FOXO1: variants seen among roughly 807,000 people sequenced by gnomAD.
FOXO1 encodes the protein forkhead box O1.
A neutral mutation model predicts 44.1 loss-of-function variants in FOXO1; 6 were observed. The observed-to-expected ratio is 0.14, with a 90% CI of 0.07 to 0.27. FOXO1 has a LOEUF of 0.27. Ranked by LOEUF, FOXO1 falls within the 10% of genes least tolerant of loss-of-function variation. The pLI, the probability that FOXO1 is intolerant of heterozygous loss-of-function variation, is 1.00. For missense variants in FOXO1, 737 were observed against 888.8 expected, an observed-to-expected ratio of 0.83 and a Z score of 2.17; for synonymous variants, 380 against 362.7, an observed-to-expected ratio of 1.05 and a Z score of -0.54.
At chr13:40,625,858 G>C (rs1198881299) in intron 1 of FOXO1, among the ~76,000 whole-genome samples, 1 of 152,186 alleles carries the variant, frequency 6.6e-6, no homozygotes, top group Non-Finnish European at 1.5e-5. Flanking sequence ...ATCCAAGGCA[G>C]TATAGTTTAT....
intron 1 of FOXO1, among the ~76,000 whole-genome samples, chr13:40,612,779 T>A (rs889293198): frequency 2.0e-5 from 3 of 152,216 alleles, no homozygotes; most frequent in Non-Finnish European, 4.4e-5. Context: ...TTAGTTATTG[T>A]TGTTAATCTC....
intron 1 of FOXO1, among the ~76,000 whole-genome samples, chr13:40,656,269 C>G (rs1877856647): frequency 6.6e-6 from 1 of 152,170 alleles, no homozygotes; most frequent in African/African-American, 2.4e-5. Flanking sequence ...TTAGCTAAGG[C>G]AATATTAGAA....
chr13:40,580,465 G>C (rs1395091748), intron 1 of FOXO1, among the ~76,000 whole-genome samples: 1 of 152,164 alleles, frequency 6.6e-6, no homozygotes, highest in African/African-American at 2.4e-5. Flanking sequence ...TAGCAAATGT[G>C]AGACCTTGGC....
chr13:40,661,460 C>A (rs938418501), intron 1 of FOXO1, among the ~76,000 whole-genome samples: 2 of 152,072 alleles, frequency 1.3e-5, no homozygotes, highest in African/African-American at 4.8e-5. Flanking sequence ...CCACACCCGG[C>A]TAATTTTTTG....
chr13:40,575,013 G>A (rs1179948999), intron 1 of FOXO1, among the ~76,000 whole-genome samples: 1 of 152,106 alleles, frequency 6.6e-6, no homozygotes, highest in African/African-American at 2.4e-5. Context: ...TGAAGTCTCT[G>A]ACAGAAATAT....
chr13:40,659,650 G>C (rs1265087887), intron 1 of FOXO1, among the ~76,000 whole-genome samples: 1 of 151,582 alleles, frequency 6.6e-6, no homozygotes. Context: ...TTCCTTTTTA[G>C]TTTTTATCAA....
At chr13:40,648,035 A>G (rs763567531) in intron 1 of FOXO1, among the ~76,000 whole-genome samples, 1 of 152,202 alleles carries the variant, frequency 6.6e-6, no homozygotes, top group Admixed American at 6.5e-5. Context: ...AGTTTCAATC[A>G]TCTGACTCTT....
intron 1 of FOXO1, chr13:40,620,473 G>A (rs1876572909): frequency 5.1e-6 from 3 of 591,836 alleles, no homozygotes; most frequent in South Asian, 3.5e-5. Flanking sequence ...TCAATCTTAA[G>A]GCAGATTATG....
At chr13:40,632,341 C>T (rs547387214) in intron 1 of FOXO1, among the ~76,000 whole-genome samples, 29 of 152,260 alleles carry the variant, frequency 1.9e-4, no homozygotes, top group African/African-American at 6.0e-4. Flanking sequence ...GGGATTAGTA[C>T]CTAGAATATA....
intron 1 of FOXO1, among the ~76,000 whole-genome samples, chr13:40,640,758 T>TTTGTTGTTGTTGTTG (rs142761112): frequency 5.7e-5 from 8 of 140,424 alleles, no homozygotes; most frequent in African/African-American, 8.2e-5. Context: ...TGTTATTTCT[T>TTTGTTGTTGTTGTTG]TTGTTGTTGT....
intron 1 of FOXO1, among the ~76,000 whole-genome samples, chr13:40,598,362 C>T (rs1196000784): frequency 6.6e-6 from 1 of 152,040 alleles, no homozygotes; most frequent in Non-Finnish European, 1.5e-5. Context: ...AAAGAAGGGG[C>T]ATTCACACAA....
chr13:40,636,407 T>C (rs1309991636), intron 1 of FOXO1, among the ~76,000 whole-genome samples: 2 of 152,040 alleles, frequency 1.3e-5, no homozygotes, highest in African/African-American at 4.8e-5. Flanking sequence ...CAGTGGCTCA[T>C]GCCTGTAATC....
At chr13:40,606,664 G>A (rs1876011859) in intron 1 of FOXO1, among the ~76,000 whole-genome samples, 1 of 152,138 alleles carries the variant, frequency 6.6e-6, no homozygotes. Context: ...CTATGGTGGG[G>A]CTGGGGGAGA....
chr13:40,617,883 A>T (rs1415113166), intron 1 of FOXO1, among the ~76,000 whole-genome samples: 1 of 152,214 alleles, frequency 6.6e-6, no homozygotes, highest in Non-Finnish European at 1.5e-5. Flanking sequence ...AATTCTCTGA[A>T]GACAAGGAAG....
chr13:40,599,187 T>C (rs1875719356), intron 1 of FOXO1, among the ~76,000 whole-genome samples: 1 of 143,174 alleles, frequency 7.0e-6, no homozygotes, highest in Non-Finnish European at 1.5e-5. Flanking sequence ...GAACAAAACA[T>C]GGCAATAAAA....
At chr13:40,612,357 C>T (rs889778822) in intron 1 of FOXO1, among the ~76,000 whole-genome samples, 2 of 152,162 alleles carry the variant, frequency 1.3e-5, no homozygotes, top group Non-Finnish European at 2.9e-5. Context: ...ATCACAGACA[C>T]AGCTACGAAG....
At chr13:40,620,117 C>G (rs759389021) in intron 1 of FOXO1, 52 of 1,201,312 alleles carry the variant, frequency 4.3e-5, no homozygotes, top group Non-Finnish European at 6.1e-5. Context: ...CACAGAGGTA[C>G]TGCATATACC....
chr13:40,556,925 T>C lies in FOXO1; in HGVS notation c.*2124A>G, dbSNP rs150281661. ...TACTTTGGCACCAAGTTCAGTTACA[T>C]ACCCGGGAGGCTGTGCTTAGAGGAA... On this transcript the variant is annotated 3_prime_UTR_variant, in exon 3 of 3. Coordinates refer to ENST00000379561, the MANE Select transcript of FOXO1 (RefSeq NM_002015.4). The C allele has an allele frequency of 6.6e-6, 1 of 152,292 alleles. No individual in the cohort carries two copies. Among genetic ancestry groups the C allele is most frequent in the African/African-American group, 2.4e-5 (1 of 41,572 alleles). The allele number at this position is 152,292 out of a possible 1,614,324, so 9.4% of individuals were successfully genotyped here.
intron 1 of FOXO1, among the ~76,000 whole-genome samples, chr13:40,610,454 G>A (rs964265998): frequency 3.3e-5 from 5 of 152,100 alleles, no homozygotes; most frequent in Non-Finnish European, 7.3e-5. Context: ...TAGGCCCAGC[G>A]TCCAAGTTTC....
Sources: allele counts gnomAD v4.1 joint callset (sites outside exome capture counted in the v4.1 genomes callset), GRCh38; gene constraint gnomAD v4.1.1; transcripts MANE v1.5; gene names NCBI Gene and HGNC (gene_info 2026-07-23, HGNC 2026-07-21).